Variants in ADAM18 observed in about 807,000 individuals in gnomAD.
The protein encoded by ADAM18 is ADAM metallopeptidase domain 18.
In ADAM18, 117 loss-of-function variants were observed where a neutral mutation model predicts 94.4. The observed-to-expected ratio is 1.24, with a 90% CI of 1.07 to 1.45. The LOEUF (loss-of-function observed/expected upper bound fraction) is 1.45, where lower values mean the gene tolerates loss of function less well. Among genes scored for constraint, ADAM18 ranks in the 40% most tolerant of loss-of-function variants. ADAM18 has a pLI of 0.00. For missense variants in ADAM18, 936 were observed against 880.0 expected (o/e 1.06, Z -0.81); for synonymous variants, 327 against 291.6 (o/e 1.12, Z -1.24).
intron 11 of ADAM18, among the ~76,000 whole-genome samples, chr8:39,645,698 C>T (rs574137448): frequency 1.3e-5 from 2 of 152,222 alleles, no homozygotes; most frequent in South Asian, 2.1e-4. Flanking sequence ...ACATCGCATT[C>T]ATATTCTTTC....
chr8:39,627,733 G>A (rs549382445), intron 6 of ADAM18, among the ~76,000 whole-genome samples: 68 of 152,162 alleles, frequency 4.5e-4, no homozygotes, highest in African/African-American at 1.5e-3. Flanking sequence ...ATATTGAGAT[G>A]TGAGATACTG....
At chr8:39,602,299 C>T (rs1818930468) in intron 2 of ADAM18, among the ~76,000 whole-genome samples, 1 of 152,128 alleles carries the variant, frequency 6.6e-6, no homozygotes, top group African/African-American at 2.4e-5. Flanking sequence ...TTTTAAATTT[C>T]CACCAGCACA....
intron 7 of ADAM18, among the ~76,000 whole-genome samples, chr8:39,630,099 TTA>T (rs1819891293): frequency 6.6e-6 from 1 of 152,022 alleles, no homozygotes; most frequent in Admixed American, 6.6e-5. Context: ...TTTAAAACCT[TTA>T]TTGCTAACAA....
intron 13 of ADAM18, among the ~76,000 whole-genome samples, chr8:39,665,263 C>T (rs376714796): frequency 1.3e-5 from 2 of 152,236 alleles, no homozygotes; most frequent in South Asian, 4.1e-4. Context: ...TGTTTATTAG[C>T]AGATCATTCC....
intron 17 of ADAM18, among the ~76,000 whole-genome samples, chr8:39,706,191 G>A (rs942310280): frequency 2.0e-5 from 3 of 152,038 alleles, no homozygotes; most frequent in Non-Finnish European, 4.4e-5. Context: ...TTAACTTCTA[G>A]CAATGGAATC....
At chr8:39,590,384 A>G (rs1288667757) in intron 2 of ADAM18, among the ~76,000 whole-genome samples, 1 of 152,178 alleles carries the variant, frequency 6.6e-6, no homozygotes, top group Non-Finnish European at 1.5e-5. Context: ...GAATTGAGCA[A>G]TGAGATCACA....
At chr8:39,595,766 C>T (rs1450578381) in intron 2 of ADAM18, among the ~76,000 whole-genome samples, 1 of 152,164 alleles carries the variant, frequency 6.6e-6, no homozygotes, top group Non-Finnish European at 1.5e-5. Flanking sequence ...TCAAGTGATC[C>T]ACCCACCTCG....
intron 7 of ADAM18, among the ~76,000 whole-genome samples, chr8:39,634,482 G>GTA (rs1234320979): frequency 6.6e-6 from 1 of 152,190 alleles, no homozygotes; most frequent in African/African-American, 2.4e-5. Context: ...AAAGCTATTA[G>GTA]GGTGGTGCCA....
At chr8:39,645,310 A>C (rs1330344520) in intron 10 of ADAM18, 28 bp from the exon 11 acceptor site, 3 of 1,562,136 alleles carry the variant, frequency 1.9e-6, no homozygotes, top group East Asian at 2.3e-5. Context: ...ACACATAATA[A>C]TTTTCTTTTT....
At chr8:39,618,203 G>A (rs906071094) in intron 6 of ADAM18, among the ~76,000 whole-genome samples, 9 of 152,234 alleles carry the variant, frequency 5.9e-5, no homozygotes, top group African/African-American at 1.9e-4. Context: ...CAGGTGGATC[G>A]GCAGGTTGAG....
intron 13 of ADAM18, 133 bp from the exon 14 acceptor site, chr8:39,667,865 C>T: frequency 1.1e-6 from 1 of 870,046 alleles, no homozygotes; most frequent in Admixed American, 2.7e-5. Flanking sequence ...TTTTGGCAAA[C>T]TCACGGACTT....
At chr8:39,713,183 A>G (rs1183919036) in intron 18 of ADAM18, among the ~76,000 whole-genome samples, 2 of 152,224 alleles carry the variant, frequency 1.3e-5, no homozygotes, top group Non-Finnish European at 2.9e-5. Flanking sequence ...AAAACAAGAA[A>G]TGGGGAAAGG....
chr8:39,667,244 A>G (rs1236976928), intron 13 of ADAM18, among the ~76,000 whole-genome samples: 1 of 151,860 alleles, frequency 6.6e-6, no homozygotes, highest in Non-Finnish European at 1.5e-5. Context: ...TTTACTAAAA[A>G]TACAAAAATT....
Position 39,609,067 on chromosome 8 carries a change from GT to G in ADAM18, c.217del (p.Tyr73IlefsTer17). 6.3e-7 allele frequency: 1 copy of G among 1,585,626 alleles called. No individual in the cohort carries two copies. The highest frequency in any genetic ancestry group is 8.6e-7 in the Non-Finnish European group (1 of 1,165,314). On this transcript the variant is annotated frameshift_variant, in exon 4 of 20. Coordinates refer to ENST00000265707, the MANE Select transcript of ADAM18 (RefSeq NM_014237.3). LOFTEE classifies it high-confidence loss of function. ...KQSFLPQNFLVYTYNETGSLH... is the reference protein window; with the variant it reads ...KQSFLPQNFLXYTYNETGSLH... ...ATCATTCTTACCCCAGAACTTTTTG[GT>G]TTATACATATAATGAAACTGGATCT... is the stretch of plus-strand genomic sequence containing the variant.
intron 2 of ADAM18, among the ~76,000 whole-genome samples, chr8:39,592,416 A>G (rs938641945): frequency 1.3e-5 from 2 of 152,204 alleles, no homozygotes; most frequent in East Asian, 1.9e-4. Context: ...ACTATTCACC[A>G]TAACAAAGTC....
At chr8:39,720,834 C>G (rs1822723222) in intron 18 of ADAM18, among the ~76,000 whole-genome samples, 1 of 151,364 alleles carries the variant, frequency 6.6e-6, no homozygotes, top group East Asian at 1.9e-4. Flanking sequence ...TACTAATGTT[C>G]AATGTGGGAA....
intron 17 of ADAM18, among the ~76,000 whole-genome samples, chr8:39,693,020 T>C (rs1821823770): frequency 6.6e-6 from 1 of 151,648 alleles, no homozygotes; most frequent in Non-Finnish European, 1.5e-5. Flanking sequence ...TTACAGAGTA[T>C]ACTTAAAAAC....
chr8:39,635,995 C>A (rs1585922255), intron 7 of ADAM18, among the ~76,000 whole-genome samples: 1 of 149,338 alleles, frequency 6.7e-6, no homozygotes, highest in South Asian at 2.1e-4. Flanking sequence ...TATCTGTAAC[C>A]ATTAAGTTTT....
intron 12 of ADAM18, among the ~76,000 whole-genome samples, chr8:39,658,400 G>C (rs1285546919): frequency 2.0e-4 from 31 of 151,954 alleles, no homozygotes; most frequent in Admixed American, 2.0e-3. Flanking sequence ...GAAGAAGAAG[G>C]AGAAGAAAAG....
Sources: gnomAD v4.1 joint callset for allele counts (sites outside exome capture counted in the v4.1 genomes callset) on GRCh38, gnomAD v4.1.1 for gene constraint, MANE v1.5 for transcripts, NCBI Gene and HGNC (gene_info 2026-07-23, HGNC 2026-07-21) for gene names.